XPO4: variants seen among roughly 807,000 people sequenced by gnomAD.
XPO4 encodes exportin 4.
In XPO4, 39 loss-of-function variants were observed where a neutral mutation model predicts 143.0. The ratio of observed to expected loss-of-function variants is 0.27; its 90% CI spans 0.21 to 0.36. The LOEUF (loss-of-function observed/expected upper bound fraction) is 0.36, where lower values mean the gene tolerates loss of function less well. Ranked by LOEUF, XPO4 falls within the 10% of genes least tolerant of loss-of-function variation. The probability of loss-of-function intolerance (pLI) is 1.00; values close to 1 mark genes in which losing one functional copy is unlikely to be tolerated. For synonymous variants in XPO4, 439 were observed against 474.0 expected (o/e 0.93, Z 0.96); for missense variants, 907 against 1,348.0 (o/e 0.67, Z 5.12).
At chr13:20,832,620 C>T (rs1181773649) in intron 6 of XPO4, among the ~76,000 whole-genome samples, 1 of 152,194 alleles carries the variant, frequency 6.6e-6, no homozygotes, top group South Asian at 2.1e-4. Flanking sequence ...TCAGGAGCTA[C>T]AGCAAGACCA....
At position 20,779,517 on chromosome 13, in the gene XPO4, G is replaced by A. The variant is rs1181376926; in HGVS notation, c.*4205C>T. 1 of 152,536 alleles carries A rather than the reference G, an allele frequency of 6.6e-6. No homozygotes were observed. The highest frequency in any genetic ancestry group is 1.9e-4 in the East Asian group (1 of 5,202). The allele number at this position is 152,536 out of a possible 1,614,324, so 9.4% of individuals were successfully genotyped here. ...AAAAAGACACCTCTCCAATTGCTGG[G>A]AGGGCCTGGGAATAGGTGAAGATCA... On this transcript the variant is annotated 3_prime_UTR_variant, in exon 23 of 23. Coordinates refer to ENST00000255305, the MANE Select transcript of XPO4 (RefSeq NM_022459.5).
intron 1 of XPO4, among the ~76,000 whole-genome samples, chr13:20,891,413 T>A (rs1001567561): frequency 6.6e-6 from 1 of 152,202 alleles, no homozygotes; most frequent in Non-Finnish European, 1.5e-5. Context: ...TGTTATTTGA[T>A]ACATTAAAGT....
At chr13:20,795,175 T>C (rs749052387) in intron 18 of XPO4, among the ~76,000 whole-genome samples, 3 of 152,168 alleles carry the variant, frequency 2.0e-5, no homozygotes, top group Admixed American at 6.5e-5. Flanking sequence ...ACCACACGTG[T>C]CTGCACAACA....
chr13:20,780,719 A>G lies in XPO4; in HGVS notation c.*3003T>C, dbSNP rs1425353317. On this transcript the variant is annotated 3_prime_UTR_variant, in exon 23 of 23. Coordinates refer to ENST00000255305, the MANE Select transcript of XPO4 (RefSeq NM_022459.5). The stretch of plus-strand genomic sequence containing the variant: ...ATACTTTACACCAGACAAAAACTCA[A>G]TGCAGTGATGTTAACATGCTACTGT... The G allele has an allele frequency of 1.3e-5, 2 of 152,364 alleles. No homozygotes were observed. The highest frequency in any genetic ancestry group is 6.5e-5 in the Admixed American group (1 of 15,308). The allele number at this position is 152,364 out of a possible 1,614,324, so 9.4% of individuals were successfully genotyped here.
chr13:20,809,949 C>T lies in XPO4; in HGVS notation c.1192G>A (p.Val398Ile), dbSNP rs2059556263. Residue 398 changes from valine (V) to isoleucine (I), a missense_variant, in exon 10 of 23, where the codon GTA (valine) becomes ATA (isoleucine). Transcript: ENST00000255305. ...AATTTATCATATGCTTCCATGTATA[C>T]CATGTCATCTTTATCAAGCTAAAAG... ...LEEVLDKDDM[V>I]YMEAYDKLLE... is the part of the protein sequence containing the mutation. The T allele has an allele frequency of 5.6e-6, 9 of 1,607,188 alleles. No homozygotes were observed. In the East Asian group the frequency reaches 6.7e-5, roughly 12 times the overall value.
At chr13:20,811,835 G>C (rs1442787121) in intron 9 of XPO4, among the ~76,000 whole-genome samples, 2 of 152,184 alleles carry the variant, frequency 1.3e-5, no homozygotes, top group Admixed American at 1.3e-4. Flanking sequence ...AGGGCAATGT[G>C]AGATGACGCA....
chr13:20,811,871 C>T (rs941766558), intron 9 of XPO4, among the ~76,000 whole-genome samples: 15 of 152,142 alleles, frequency 9.9e-5, no homozygotes, highest in Non-Finnish European at 1.5e-4. Flanking sequence ...GCCTCTTGGC[C>T]TTTCTTCTTT....
At chr13:20,876,283 A>G (rs2060352712) in intron 1 of XPO4, among the ~76,000 whole-genome samples, 1 of 151,232 alleles carries the variant, frequency 6.6e-6, no homozygotes, top group Admixed American at 6.6e-5. Context: ...AAAAAAAAAA[A>G]AGAATAAGAA....
rs2059794475 is a variant in XPO4, at chr13:20,827,102, G to T, written c.805C>A (p.Leu269Ile). ...AGCTCCATAACTCTGCTGTCCAGAA[G>T]AGTCTCCCGCCAGGACTCTGTTGGC... is the stretch of plus-strand genomic sequence containing the variant. Reference protein sequence around the residue: ...LKPTESWRETLLDSRVMELFF... With the variant: ...LKPTESWRETILDSRVMELFF... The change falls in exon 7 of 23, where the codon CTT (leucine) becomes ATT (isoleucine). Residue 269 changes from leucine to isoleucine, a missense_variant. Coordinates refer to ENST00000255305, the MANE Select transcript of XPO4 (RefSeq NM_022459.5). 6.2e-7 allele frequency: 1 copy of T among 1,613,764 alleles called. No individual in the cohort carries two copies. Among genetic ancestry groups the T allele is most frequent in the Non-Finnish European group, 8.5e-7 (1 of 1,179,826 alleles).
chr13:20,814,492 A>G (rs1446820867), intron 9 of XPO4, among the ~76,000 whole-genome samples: 1 of 152,250 alleles, frequency 6.6e-6, no homozygotes, highest in Non-Finnish European at 1.5e-5. Context: ...TGGAGATAAT[A>G]TAACTCATCG....
chr13:20,787,557 G>A lies in XPO4; in HGVS notation c.3089C>T (p.Thr1030Ile). ...TTTTGCACACTGTTCAGCTAACGGT[G>A]TCAAGGCCTCCAGGCAAAGCTGGCA... ...EVCQLCLEAL[T>I]PLAEQCAKAQ... is the part of the protein sequence containing the mutation. The change falls in exon 21 of 23, where the codon ACA (threonine) becomes ATA (isoleucine). Residue 1030 changes from threonine (T) to isoleucine (I), a missense_variant. Thr to Ile is a moderately conservative substitution (Grantham distance 89, BLOSUM62 -1). Coordinates refer to ENST00000255305, the MANE Select transcript of XPO4 (RefSeq NM_022459.5). The A allele has an allele frequency of 6.2e-7, 1 of 1,614,238 alleles. No homozygotes were observed. Among genetic ancestry groups the A allele is most frequent in the Non-Finnish European group, 8.5e-7 (1 of 1,180,036 alleles).
chr13:20,877,453 T>C (rs553392258), intron 1 of XPO4, among the ~76,000 whole-genome samples: 1 of 152,206 alleles, frequency 6.6e-6, no homozygotes, highest in East Asian at 1.9e-4. Flanking sequence ...CTAGAAACAC[T>C]CTTCTTTCCT....
At chr13:20,801,045 A>G in intron 13 of XPO4, 55 bp from the exon 14 acceptor site, 1 of 1,582,398 alleles carries the variant, frequency 6.3e-7, no homozygotes. Flanking sequence ...TTGCTGTCTA[A>G]TCATATTTTT....
rs540140671 is a variant in XPO4 at position 20,859,828 on chromosome 13, C to T, written c.317+2889G>A. ...AAATAAAAAGGAAAAAAAAAGAATG[C>T]GATTATTTTGGATAATATAAGAGCC... On this transcript the variant is annotated intron_variant, in intron 3 of 22. Transcript: ENST00000255305. The T allele has an allele frequency of 1.8e-3, 1,738 of 962,110 alleles. 4 individuals are homozygous for T. The highest frequency in any genetic ancestry group is 1.9e-3 in the Non-Finnish European group (1,548 of 809,286). The allele number at this position is 962,110 out of a possible 1,614,324, so 59.6% of individuals were successfully genotyped here.
chr13:20,892,880 A>G (rs1268485298), intron 1 of XPO4, among the ~76,000 whole-genome samples: 2 of 134,906 alleles, frequency 1.5e-5, no homozygotes, highest in African/African-American at 2.5e-5. Context: ...AACTCCAAAA[A>G]GTAAAAAATA....
intron 4 of XPO4, among the ~76,000 whole-genome samples, chr13:20,853,825 C>A (rs2060114270): frequency 6.6e-6 from 1 of 152,198 alleles, no homozygotes; most frequent in East Asian, 1.9e-4. Context: ...TTTCACATCA[C>A]CAACTGCCAC....
rs1282328220 is a variant in XPO4, at chr13:20,827,127, C to T, written c.780G>A (p.Lys260=). 1.5e-5 allele frequency: 24 copies of T among 1,613,900 alleles called. No individual in the cohort carries two copies. In the East Asian group the frequency reaches 3.1e-4, roughly 21 times the overall value. ...GAGTCTCCCGCCAGGACTCTGTTGG[C>T]TTCAACAGCACATTTTGCGAGGATT... ...MFESSQNVLL[K]PTESWRETLL... is the part of the protein sequence containing the mutation. Residue 260 remains lysine, a synonymous_variant, in exon 7 of 23, where the codon AAG becomes AAA. Coordinates refer to ENST00000255305, the MANE Select transcript of XPO4 (RefSeq NM_022459.5).
intron 1 of XPO4, among the ~76,000 whole-genome samples, chr13:20,890,830 G>T (rs2060507034): frequency 1.4e-5 from 2 of 147,554 alleles, no homozygotes; most frequent in African/African-American, 2.5e-5. Context: ...GGAGCAGGCT[G>T]TGAGCATTGG....
At position 20,787,429 on chromosome 13, in the gene XPO4, AC is replaced by A. The variant is rs1410716485; in HGVS notation, c.3165+51del. ...TTTGAATGCAGAATTATGTGCACCG[AC>A]CACACTTTTGAAAGTAGCTGATTTT... On this transcript the variant is annotated intron_variant, in intron 21 of 22. Transcript: ENST00000255305. 7.2e-6 allele frequency: 11 copies of A among 1,521,836 alleles called. No homozygotes were observed. In the African/African-American group the frequency reaches 1.4e-4, roughly 19 times the overall value. The allele number at this position is 1,521,836 out of a possible 1,614,324, so 94.3% of individuals were successfully genotyped here.
Sources: allele counts gnomAD v4.1 joint callset (sites outside exome capture counted in the v4.1 genomes callset), GRCh38; gene constraint gnomAD v4.1.1; transcripts MANE v1.5; gene names NCBI Gene and HGNC (gene_info 2026-07-23, HGNC 2026-07-21).